Variants in RRAS2 observed in about 807,000 individuals in gnomAD.
RRAS2 encodes RAS related 2, also known as ras-related protein R-Ras2.
In RRAS2, 7 loss-of-function variants were observed where a neutral mutation model predicts 27.6. That is an observed-to-expected ratio of 0.25 (90% confidence interval 0.14 to 0.48). The LOEUF (loss-of-function observed/expected upper bound fraction) is 0.48. Among genes scored for constraint, RRAS2 ranks in the 20% least tolerant of loss-of-function variants. RRAS2 has a pLI of 0.99. For missense variants in RRAS2, 178 were observed against 256.2 expected (o/e 0.69, Z 2.08); for synonymous variants, 86 against 90.9 (o/e 0.95, Z 0.31).
chr11:14,325,583 G>A (rs1010303415), intron 1 of RRAS2, among the ~76,000 whole-genome samples: 3 of 152,216 alleles, frequency 2.0e-5, no homozygotes, highest in Admixed American at 1.3e-4. Context: ...ACAGGCGTGA[G>A]CCACCGTGCC....
At chr11:14,353,962 CTA>C in intron 1 of RRAS2, among the ~76,000 whole-genome samples, 1 of 152,222 alleles carries the variant, frequency 6.6e-6, no homozygotes, top group South Asian at 2.1e-4. Flanking sequence ...AGTTTAAACA[CTA>C]AAAATGTCTA....
upstream of RRAS2, among the ~76,000 whole-genome samples, chr11:14,360,221 G>A (rs1234467575): frequency 6.7e-6 from 1 of 150,020 alleles, no homozygotes; most frequent in Non-Finnish European, 1.5e-5. Flanking sequence ...AAGTCCCACT[G>A]AGCTCCCACC....
rs1353346926 is a variant in RRAS2, at chr11:14,320,198, C to CG, written c.109-24344dup. Reference sequence around the variant, plus strand: ...AGTGAGTCTGCAAAGTTCTAATGCACGGTGCTGATTTTATTCATTGAACAG... The same window carrying CG: ...AGTGAGTCTGCAAAGTTCTAATGCACGGGTGCTGATTTTATTCATTGAACAG... On this transcript the variant is annotated intron_variant, in intron 1 of 5. Coordinates refer to ENST00000256196, the MANE Select transcript of RRAS2 (RefSeq NM_012250.6). Among the ~76,000 whole-genome samples, 4 of 152,178 alleles carry CG rather than the reference C, an allele frequency of 2.6e-5. No homozygotes were observed. In the East Asian group the frequency reaches 5.8e-4, roughly 22 times the overall value.
At chr11:14,302,064 CCACACACATACACA>C (rs1847721589) in intron 1 of RRAS2, among the ~76,000 whole-genome samples, 1 of 51,820 alleles carries the variant, frequency 1.9e-5, no homozygotes, top group Non-Finnish European at 4.0e-5. Context: ...AGTAAATGTA[CCACACACATACACA>C]CACACACACA....
chr11:14,355,363 C>T (rs1413949626), intron 1 of RRAS2, among the ~76,000 whole-genome samples: 1 of 152,090 alleles, frequency 6.6e-6, no homozygotes, highest in Non-Finnish European at 1.5e-5. Flanking sequence ...TCATTTCCTA[C>T]CTAGAGTTTA....
At chr11:14,317,504 C>T (rs1019062094) in intron 1 of RRAS2, among the ~76,000 whole-genome samples, 1 of 152,138 alleles carries the variant, frequency 6.6e-6, no homozygotes. Context: ...CGCTTGAACC[C>T]GGAAGGCAGA....
chr11:14,328,959 C>T (rs539341708), intron 1 of RRAS2, among the ~76,000 whole-genome samples: 21 of 150,706 alleles, frequency 1.4e-4, no homozygotes, highest in Admixed American at 4.0e-4. Flanking sequence ...CAACTATGCC[C>T]GGCACATACA....
chr11:14,324,283 T>G (rs1848296684), intron 1 of RRAS2, among the ~76,000 whole-genome samples: 1 of 152,042 alleles, frequency 6.6e-6, no homozygotes, highest in Non-Finnish European at 1.5e-5. Flanking sequence ...ATACCACTTC[T>G]GTATAAAGCT....
intron 1 of RRAS2, among the ~76,000 whole-genome samples, chr11:14,297,197 T>C (rs1347242973): frequency 6.6e-6 from 1 of 152,192 alleles, no homozygotes; most frequent in Admixed American, 6.5e-5. Flanking sequence ...ATTTTCCCAC[T>C]GGCTCATTAC....
intron 1 of RRAS2, among the ~76,000 whole-genome samples, chr11:14,307,558 T>C (rs975723872): frequency 3.3e-5 from 5 of 151,998 alleles, no homozygotes; most frequent in Admixed American, 1.3e-4. Context: ...GATGAGACCA[T>C]TGAGGCTCAG....
intron 1 of RRAS2, among the ~76,000 whole-genome samples, chr11:14,327,327 G>A (rs899936948): frequency 1.3e-5 from 2 of 152,078 alleles, no homozygotes; most frequent in African/African-American, 2.4e-5. Context: ...CTCAAAACAA[G>A]TACTATAACC....
chr11:14,358,747 G>A lies in RRAS2; in HGVS notation c.108+16C>T. On this transcript the variant is annotated intron_variant, in intron 1 of 5. Coordinates refer to ENST00000256196, the MANE Select transcript of RRAS2 (RefSeq NM_012250.6). The surrounding 1 kb of genome is among the most constrained non-coding windows in gnomAD (Gnocchi z 5.1). ...CGCCGCCGCTCCGGCGCCCCGGGCA[G>A]GCCCGCTCCAGGTACCTGGATGAAC... is the stretch of plus-strand genomic sequence containing the variant. 4 of 1,385,290 alleles carry A rather than the reference G, an allele frequency of 2.9e-6. No homozygotes were observed. Among genetic ancestry groups the A allele is most frequent in the South Asian group, 1.5e-5 (1 of 66,316 alleles). The allele number at this position is 1,385,290 out of a possible 1,614,324, so 85.8% of individuals were successfully genotyped here.
At chr11:14,309,499 T>G (rs1184822687) in intron 1 of RRAS2, among the ~76,000 whole-genome samples, 1 of 152,144 alleles carries the variant, frequency 6.6e-6, no homozygotes, top group Admixed American at 6.6e-5. Flanking sequence ...TGATAGGAAC[T>G]CTGAAGAAAA....
intron 1 of RRAS2, among the ~76,000 whole-genome samples, chr11:14,352,322 A>T (rs1848973309): frequency 6.6e-6 from 1 of 152,214 alleles, no homozygotes; most frequent in Non-Finnish European, 1.5e-5. Flanking sequence ...GGCCTTTATA[A>T]AACACTAAAA....
At chr11:14,281,913 T>C (rs1849548927) in intron 4 of RRAS2, among the ~76,000 whole-genome samples, 193 bp from the exon 5 acceptor site, 1 of 152,184 alleles carries the variant, frequency 6.6e-6, no homozygotes. Context: ...AACATATCTG[T>C]GATGGAAATA....
chr11:14,350,807 T>C (rs897790917), intron 1 of RRAS2, among the ~76,000 whole-genome samples: 3 of 152,170 alleles, frequency 2.0e-5, no homozygotes, highest in African/African-American at 7.2e-5. Flanking sequence ...AGGCTGAGTG[T>C]TGGACAAGCT....
chr11:14,359,000 G>T lies in RRAS2; in HGVS notation c.-130C>A. The T allele has an allele frequency of 3.5e-6, 4 of 1,141,692 alleles. No homozygotes were observed. Among genetic ancestry groups the T allele is most frequent in the Non-Finnish European group, 4.3e-6 (4 of 931,212 alleles). 70.7% of individuals were successfully genotyped at this position (1,141,692 alleles called of 1,614,324 possible). On this transcript the variant is annotated 5_prime_UTR_variant, in exon 1 of 6. Coordinates refer to ENST00000256196, the MANE Select transcript of RRAS2 (RefSeq NM_012250.6). The surrounding 1 kb of genome is among the most constrained non-coding windows in gnomAD (Gnocchi z 5.1). ...CGGGCTGGGGTCCCGGGTACCGGGA[G>T]GCGTCTGGAGGGCCGGTCAGCGCGG...
chr11:14,310,339 A>C (rs1847932057), intron 1 of RRAS2, among the ~76,000 whole-genome samples: 1 of 152,204 alleles, frequency 6.6e-6, no homozygotes, highest in Admixed American at 6.5e-5. Context: ...GGGAGTCAGG[A>C]GATAGATGGT....
At chr11:14,280,706 A>G (rs1554944172) in intron 5 of RRAS2, among the ~76,000 whole-genome samples, 1 of 117,992 alleles carries the variant, frequency 8.5e-6, no homozygotes, top group African/African-American at 3.1e-5. Context: ...AGCCTGGGTG[A>G]CAAAGAGAAA....
Sources: gnomAD v4.1 joint callset for allele counts (sites outside exome capture counted in the v4.1 genomes callset) on GRCh38, gnomAD v4.1.1 for gene constraint, Gnocchi (gnomAD v3.1) non-coding constraint, MANE v1.5 for transcripts, NCBI Gene and HGNC (gene_info 2026-07-23, HGNC 2026-07-21) for gene names.